SNTG1: variants seen among roughly 807,000 people sequenced by gnomAD.
The protein encoded by SNTG1 is gamma-1-syntrophin.
SNTG1 carries 39 observed loss-of-function variants against 74.7 expected under a neutral mutation model. The ratio of observed to expected loss-of-function variants is 0.52; its 90% confidence interval spans 0.40 to 0.68. The LOEUF (loss-of-function observed/expected upper bound fraction) is 0.68. SNTG1 is among the 30% of genes least tolerant of loss of function. SNTG1 has a pLI of 0.00. For synonymous variants in SNTG1, 254 were observed against 217.1 expected (o/e 1.17, Z -1.49); for missense variants, 685 against 609.5 (o/e 1.12, Z -1.30).
intron 2 of SNTG1, among the ~76,000 whole-genome samples, chr8:50,361,246 T>C (rs2091947622): frequency 6.6e-6 from 1 of 152,150 alleles, no homozygotes; most frequent in Admixed American, 6.5e-5. Flanking sequence ...CACCTCCTCT[T>C]GTCCCACTGG....
At chr8:50,204,965 A>G (rs1030804488) in intron 2 of SNTG1, among the ~76,000 whole-genome samples, 1 of 152,150 alleles carries the variant, frequency 6.6e-6, no homozygotes, top group African/African-American at 2.4e-5. Flanking sequence ...AATCCAGTCT[A>G]TCATTGATGG....
chr8:50,553,584 T>C (rs768782200), intron 12 of SNTG1, among the ~76,000 whole-genome samples: 1 of 152,138 alleles, frequency 6.6e-6, no homozygotes, highest in Non-Finnish European at 1.5e-5. Context: ...GGAGTTAGCA[T>C]AGAGACTGAA....
At chr8:50,244,118 G>A (rs1363554674) in intron 2 of SNTG1, among the ~76,000 whole-genome samples, 1 of 152,056 alleles carries the variant, frequency 6.6e-6, no homozygotes, top group Non-Finnish European at 1.5e-5. Context: ...AAGTGAAGTG[G>A]GAGCAGACAT....
At chr8:50,392,047 G>A (rs2092669499) in intron 2 of SNTG1, among the ~76,000 whole-genome samples, 1 of 152,162 alleles carries the variant, frequency 6.6e-6, no homozygotes, top group Non-Finnish European at 1.5e-5. Context: ...TGCCTTGGAA[G>A]CAATCCTAGA....
chr8:50,502,715 C>A (rs1052385478), intron 8 of SNTG1, 63 bp from the exon 9 acceptor site: 2 of 1,345,442 alleles, frequency 1.5e-6, no homozygotes, highest in Non-Finnish European at 2.1e-6. Context: ...AATTTCAAGG[C>A]TTTGCCATCA....
intron 17 of SNTG1, among the ~76,000 whole-genome samples, chr8:50,745,105 G>A (rs1325013278): frequency 6.6e-6 from 1 of 151,942 alleles, no homozygotes; most frequent in Non-Finnish European, 1.5e-5. Context: ...ACAACAGAGT[G>A]CAAAGGTCAC....
intron 1 of SNTG1, among the ~76,000 whole-genome samples, chr8:50,167,721 G>A (rs1366140951): frequency 6.6e-6 from 1 of 151,302 alleles, no homozygotes; most frequent in Non-Finnish European, 1.5e-5. Context: ...GCTGAGATGG[G>A]AGGATCCTGT....
At chr8:50,425,116 T>C (rs2093144783) in intron 4 of SNTG1, among the ~76,000 whole-genome samples, 1 of 152,102 alleles carries the variant, frequency 6.6e-6, no homozygotes, top group African/African-American at 2.4e-5. Flanking sequence ...TAAGAAGAAA[T>C]GGCACAAGAT....
intron 1 of SNTG1, among the ~76,000 whole-genome samples, chr8:50,150,735 C>G (rs2082038843): frequency 1.3e-5 from 2 of 152,090 alleles, no homozygotes; most frequent in Non-Finnish European, 2.9e-5. Flanking sequence ...GTATGTTGAA[C>G]CAGACTTGCA....
intron 15 of SNTG1, among the ~76,000 whole-genome samples, chr8:50,680,493 T>C (rs2095326709): frequency 6.6e-6 from 1 of 152,138 alleles, no homozygotes; most frequent in Non-Finnish European, 1.5e-5. Flanking sequence ...TCATTGGACT[T>C]TAAGTGTTGT....
intron 1 of SNTG1, among the ~76,000 whole-genome samples, chr8:50,151,712 G>A (rs2082075823): frequency 6.6e-6 from 1 of 152,188 alleles, no homozygotes; most frequent in Non-Finnish European, 1.5e-5. Context: ...CCATGTAGTT[G>A]ATTGGTTTTG....
chr8:50,762,015 A>C (rs745548621), intron 18 of SNTG1, among the ~76,000 whole-genome samples: 1 of 152,028 alleles, frequency 6.6e-6, no homozygotes, highest in Non-Finnish European at 1.5e-5. Context: ...CCAAAAATAT[A>C]AAGTAGACAT....
intron 5 of SNTG1, among the ~76,000 whole-genome samples, chr8:50,449,456 G>A (rs1470663555): frequency 6.6e-6 from 1 of 152,174 alleles, no homozygotes; most frequent in African/African-American, 2.4e-5. Flanking sequence ...AACTTTCAAA[G>A]CCAATTGTTA....
intron 12 of SNTG1, among the ~76,000 whole-genome samples, chr8:50,570,993 C>T (rs1433675081): frequency 6.6e-6 from 1 of 152,060 alleles, no homozygotes; most frequent in Non-Finnish European, 1.5e-5. Context: ...ACAAGCGTTC[C>T]CCTTTCTCTA....
At chr8:50,374,604 G>T (rs2092338008) in intron 2 of SNTG1, among the ~76,000 whole-genome samples, 1 of 152,162 alleles carries the variant, frequency 6.6e-6, no homozygotes, top group Admixed American at 6.5e-5. Flanking sequence ...TAGCTTGGTG[G>T]TCTTTAAACT....
At chr8:50,678,571 C>T (rs572734655) in intron 15 of SNTG1, among the ~76,000 whole-genome samples, 16 of 152,036 alleles carry the variant, frequency 1.1e-4, no homozygotes, top group African/African-American at 1.7e-4. Flanking sequence ...ATTTACTAAC[C>T]GTAAGTTATA....
At chr8:49,979,798 C>T (rs572390935) in intron 1 of SNTG1, among the ~76,000 whole-genome samples, 5 of 152,296 alleles carry the variant, frequency 3.3e-5, no homozygotes, top group African/African-American at 4.8e-5. Flanking sequence ...ATTGCTGAGT[C>T]GCTTGTGTGT....
At chr8:50,555,399 A>C (rs775342332) in intron 12 of SNTG1, among the ~76,000 whole-genome samples, 36 of 152,246 alleles carry the variant, frequency 2.4e-4, no homozygotes, top group Non-Finnish European at 4.6e-4. Flanking sequence ...GCAATAAAAA[A>C]TGTGAAAGTC....
At chr8:50,105,294 T>C (rs376238521) in intron 1 of SNTG1, among the ~76,000 whole-genome samples, 2 of 152,206 alleles carry the variant, frequency 1.3e-5, no homozygotes, top group African/African-American at 4.8e-5. Context: ...GAAGTTCTTT[T>C]CCCATTGCTT....
Sources: allele counts gnomAD v4.1 joint callset (sites outside exome capture counted in the v4.1 genomes callset), GRCh38; gene constraint gnomAD v4.1.1; transcripts MANE v1.5; gene names NCBI Gene and HGNC (gene_info 2026-07-23, HGNC 2026-07-21).